Variants in SEC14L1 observed in about 807,000 individuals in gnomAD.
The protein encoded by SEC14L1 is SEC14 like lipid binding 1, also known as SEC14-like protein 1.
In SEC14L1, 48 loss-of-function variants were observed where a neutral mutation model predicts 85.3. That is an observed-to-expected ratio of 0.56 (90% CI 0.45 to 0.72). SEC14L1 has a LOEUF of 0.72. Among genes scored for constraint, SEC14L1 ranks in the 30% least tolerant of loss-of-function variants. The probability of loss-of-function intolerance (pLI) is 0.00; values close to 1 mark genes in which losing one functional copy is unlikely to be tolerated. For synonymous variants in SEC14L1, 391 were observed against 355.5 expected, an observed-to-expected ratio of 1.10 and a Z score of -1.12; for missense variants, 682 against 921.4, an observed-to-expected ratio of 0.74 and a Z score of 3.36.
In SEC14L1 at chr17:77,212,240, C is replaced by A. The variant is rs757303180; in HGVS notation, c.1863+39C>A. On this transcript the variant is annotated intron_variant, in intron 15 of 16. Transcript: ENST00000436233. ...CAGGTCAAATCGCGCATCCGTGACT[C>A]CACACGGCCAGGTGATTCTGTCTTG... The A allele has an allele frequency of 1.2e-5, 20 of 1,604,312 alleles. No homozygotes were observed. The East Asian group carries it at 2.0e-4, about 16-fold the overall frequency.
chr17:77,153,628 A>G (rs1288020445), intron 3 of SEC14L1, among the ~76,000 whole-genome samples: 2 of 152,132 alleles, frequency 1.3e-5, no homozygotes, highest in Admixed American at 6.5e-5. Flanking sequence ...CAGCGTTTCT[A>G]TGTAGTGCAT....
At chr17:77,099,793 T>G (rs1323831065) in intron 3 of SEC14L1, among the ~76,000 whole-genome samples, 1 of 152,126 alleles carries the variant, frequency 6.6e-6, no homozygotes. Flanking sequence ...GTGAGTCTCC[T>G]TCACTAATGT....
Position 77,190,951 on chromosome 17 carries a change from A to C in SEC14L1, c.212A>C (p.Lys71Thr). ...LDVDAPRLLKKIAGVDYVYFV... is the reference protein window; with the variant it reads ...LDVDAPRLLKTIAGVDYVYFV... ...GTAGATGCACCCAGACTGCTGAAGA[A>C]GGTAAAGGTCGGAAAGGACGTCTTG... Residue 71 changes from lysine to threonine, a missense_variant and splice_region_variant, in exon 4 of 17, where the codon AAG becomes ACG. Around this residue, in one of 3 missense-constraint regions of SEC14L1, gnomAD observed 139 missense variants for 201.3 expected, o/e 0.69. Transcript: ENST00000436233. 1 of 1,614,034 alleles carries C rather than the reference A, an allele frequency of 6.2e-7. No homozygotes were observed. Among genetic ancestry groups the C allele is most frequent in the Non-Finnish European group, 8.5e-7 (1 of 1,179,954 alleles).
chr17:77,197,996 T>G (rs1975903164), intron 8 of SEC14L1, among the ~76,000 whole-genome samples: 1 of 152,272 alleles, frequency 6.6e-6, no homozygotes, highest in Non-Finnish European at 1.5e-5. Flanking sequence ...TTGCTACTAT[T>G]TCTTGTCATA....
At position 77,105,379 on chromosome 17, in the gene SEC14L1, C is replaced by CA. The variant is rs201296966; in HGVS notation, c.-136+12032_-136+12033insA. On this transcript the variant is annotated intron_variant, in intron 3 of 19. Transcript: ENST00000392476. Reference sequence around the variant, plus strand: ...GACATGCTCCTCGCTGACCACCCCCCCCCCCACCCCACGTAAAAAGAGTTC... The same window carrying CA: ...GACATGCTCCTCGCTGACCACCCCCCACCCCCACCCCACGTAAAAAGAGTTC... Among the ~76,000 whole-genome samples the CA allele has an allele frequency of 1.1e-4, 12 of 107,512 alleles. 1 individual carries two copies. The highest frequency in any genetic ancestry group is 1.8e-4 in the African/African-American group (5 of 28,074). 70.5% of individuals were successfully genotyped at this position (107,512 alleles called of 152,430 possible).
intron 2 of SEC14L1, among the ~76,000 whole-genome samples, chr17:77,091,211 C>A (rs1228091153): frequency 6.6e-6 from 1 of 152,088 alleles, no homozygotes; most frequent in Non-Finnish European, 1.5e-5. Context: ...CCTCAGCCTC[C>A]CAAATAGCTG....
Position 77,215,013 on chromosome 17 carries a change from T to G in SEC14L1, c.*990T>G, listed in dbSNP as rs1221001099. 3.0e-6 allele frequency: 3 copies of G among 985,552 alleles called. No homozygotes were observed. Among genetic ancestry groups the G allele is most frequent in the Non-Finnish European group, 3.6e-6 (3 of 830,066 alleles). The allele number at this position is 985,552 out of a possible 1,614,324, so 61.1% of individuals were successfully genotyped here. On this transcript the variant is annotated 3_prime_UTR_variant, in exon 17 of 17. Coordinates refer to ENST00000436233, the MANE Select transcript of SEC14L1 (RefSeq NM_001143998.2). ...CTCGCATCCACTTCAGGGTGGCGTG[T>G]GGCATGTAGGAGTCCTGCTTCTTTG...
At position 77,216,879 on chromosome 17, in the gene SEC14L1, T is replaced by G. The variant is rs1361246330; in HGVS notation, c.*2856T>G. ...GTTTCTACCTTTAGTACCTTGCCAC[T>G]CTTTTAAAACGCTGCTGTCATTTCC... On this transcript the variant is annotated 3_prime_UTR_variant, in exon 17 of 17. Transcript: ENST00000436233. 3.2e-6 allele frequency: 1 copy of G among 313,234 alleles called. No homozygotes were observed. Among genetic ancestry groups the G allele is most frequent in the African/African-American group, 2.1e-5 (1 of 46,992 alleles). The allele number at this position is 313,234 out of a possible 1,614,324, so 19.4% of individuals were successfully genotyped here.
chr17:77,188,993 TG>T (rs1054096033), intron 3 of SEC14L1, among the ~76,000 whole-genome samples: 26 of 151,054 alleles, frequency 1.7e-4, no homozygotes, highest in East Asian at 5.9e-4. Context: ...ACTCTTGAGT[TG>T]TTTTTTTTTT....
chr17:77,185,292 G>T (rs1304486675), intron 3 of SEC14L1: 9 of 985,340 alleles, frequency 9.1e-6, no homozygotes, highest in Non-Finnish European at 1.1e-5. Context: ...TGCCCCTGAC[G>T]CTGACAGAGC....
chr17:77,136,139 T>C (rs1400354123), upstream of SEC14L1, among the ~76,000 whole-genome samples: 2 of 152,020 alleles, frequency 1.3e-5, no homozygotes, highest in Non-Finnish European at 2.9e-5. Context: ...CCTCCCAAAG[T>C]GTTGAGATTA....
chr17:77,145,099 A>ATGTATGTGTG (rs1286782828), intron 3 of SEC14L1: 1 of 114,142 alleles, frequency 8.8e-6, no homozygotes, highest in South Asian at 3.2e-4. Context: ...GTGTGTATGT[A>ATGTATGTGTG]TGTGTGTGTG....
At chr17:77,105,373 A>ACCCCCCCCCCC (rs796673679) in intron 3 of SEC14L1, among the ~76,000 whole-genome samples, 5 of 82,376 alleles carry the variant, frequency 6.1e-5, no homozygotes, top group African/African-American at 2.0e-4. Context: ...CTCGCTGACC[A>ACCCCCCCCCCC]CCCCCCCCCC....
intron 1 of SEC14L1, among the ~76,000 whole-genome samples, chr17:77,141,889 A>G (rs1426902816): frequency 2.6e-5 from 4 of 152,212 alleles, no homozygotes; most frequent in Non-Finnish European, 5.9e-5. Flanking sequence ...TAAATTTTTA[A>G]AAGATGATTG....
chr17:77,118,582 T>C (rs549921756), intron 3 of SEC14L1, among the ~76,000 whole-genome samples: 1 of 152,304 alleles, frequency 6.6e-6, no homozygotes, highest in East Asian at 1.9e-4. Flanking sequence ...CCACGTCCAA[T>C]GTACGGAGCA....
At chr17:77,098,698 A>G (rs993268710) in intron 3 of SEC14L1, among the ~76,000 whole-genome samples, 8 of 152,112 alleles carry the variant, frequency 5.3e-5, no homozygotes, top group African/African-American at 1.9e-4. Context: ...TTTCTCTGTG[A>G]CAAGGACCTC....
chr17:77,102,872 G>A (rs1046193731), intron 3 of SEC14L1, among the ~76,000 whole-genome samples: 1 of 152,100 alleles, frequency 6.6e-6, no homozygotes, highest in Non-Finnish European at 1.5e-5. Flanking sequence ...TGTGATCATG[G>A]CTTGCTGTGA....
rs985997495 is a variant in SEC14L1 at position 77,213,076 on chromosome 17, C to T, written c.1864-238C>T. Among the ~76,000 whole-genome samples the T allele has an allele frequency of 3.3e-5, 5 of 152,238 alleles. No homozygotes were observed. Among genetic ancestry groups the T allele is most frequent in the Admixed American group, 2.6e-4 (4 of 15,286 alleles). ...GGCTGGGCAGGCCTCGTGAGGGCCACGGACATGGAGCTTGTCCCTCCGGGC... is the reference window on the plus strand; with the variant it reads ...GGCTGGGCAGGCCTCGTGAGGGCCATGGACATGGAGCTTGTCCCTCCGGGC... On this transcript the variant is annotated intron_variant, in intron 15 of 16. Transcript: ENST00000436233. This position sits in a 1 kb window ranked among gnomAD's most constrained non-coding sequence, Gnocchi z 7.1.
At chr17:77,163,727 G>T (rs971087781) in intron 3 of SEC14L1, among the ~76,000 whole-genome samples, 4 of 152,184 alleles carry the variant, frequency 2.6e-5, no homozygotes, top group African/African-American at 9.7e-5. Context: ...TCGCAGCGGG[G>T]CCACATAGAT....
Sources: allele counts gnomAD v4.1 joint callset (sites outside exome capture counted in the v4.1 genomes callset), GRCh38; gene constraint gnomAD v4.1.1; regional missense constraint gnomAD v4.1.1; non-coding constraint Gnocchi (gnomAD v3.1); transcripts MANE v1.5; gene names NCBI Gene and HGNC (gene_info 2026-07-23, HGNC 2026-07-21).